The following RAD50 variants were observed in gnomAD, a reference collection of about 807,000 sequenced individuals.
RAD50 encodes RAD50 double strand break repair protein, also known as DNA repair protein RAD50.
RAD50 carries 132 observed loss-of-function variants against 168.8 expected under a neutral mutation model. That is an observed-to-expected ratio of 0.78 (90% CI 0.68 to 0.90). The LOEUF (loss-of-function observed/expected upper bound fraction) is 0.90. Ranked by LOEUF, RAD50 falls within the 40% of genes least tolerant of loss-of-function variation. RAD50 has a pLI of 0.00. For synonymous variants in RAD50, 525 were observed against 497.4 expected, an observed-to-expected ratio of 1.06 and a Z score of -0.74; for missense variants, 1,347 against 1,534.4, an observed-to-expected ratio of 0.88 and a Z score of 2.04.
In RAD50 at chr5:132,590,696, A is replaced by G. The variant is rs143859142; in HGVS notation, c.1453-528A>G. Among the ~76,000 whole-genome samples the G allele has an allele frequency of 5.3e-5, 8 of 152,318 alleles. No individual in the cohort carries two copies. In the East Asian group the frequency reaches 1.3e-3, roughly 26 times the overall value. ...AAAGTAAGCATTCTAAAGCATGGCA[A>G]ACTTCTTAAAGCCCATCTTGATAAT... On this transcript the variant is annotated intron_variant, in intron 9 of 24. Transcript: ENST00000378823.
chr5:132,618,699 A>G (rs528703441), intron 21 of RAD50, among the ~76,000 whole-genome samples: 3 of 152,176 alleles, frequency 2.0e-5, no homozygotes, highest in Non-Finnish European at 4.4e-5. Flanking sequence ...CTCTTTAAAT[A>G]TGGTATTTTA....
chr5:132,633,488 A>G (rs1022876911), intron 21 of RAD50, among the ~76,000 whole-genome samples: 23 of 151,912 alleles, frequency 1.5e-4, no homozygotes, highest in Admixed American at 1.5e-3. Context: ...TGGCTTCTCA[A>G]TTTTGTTCCT....
chr5:132,599,547 A>G (rs763405145), intron 13 of RAD50, among the ~76,000 whole-genome samples: 13 of 152,112 alleles, frequency 8.5e-5, no homozygotes, highest in Non-Finnish European at 1.6e-4. Flanking sequence ...GTCAATAATG[A>G]ATTAAGAGGA....
At chr5:132,601,781 G>A (rs1750892134) in intron 13 of RAD50, among the ~76,000 whole-genome samples, 1 of 152,154 alleles carries the variant, frequency 6.6e-6, no homozygotes, top group African/African-American at 2.4e-5. Flanking sequence ...ATACACCATG[G>A]AGTAACTATG....
At chr5:132,639,618 GCTATT>G (rs1751673583) in intron 23 of RAD50, among the ~76,000 whole-genome samples, 1 of 152,186 alleles carries the variant, frequency 6.6e-6, no homozygotes, top group African/African-American at 2.4e-5. Context: ...ATTTTTTGTA[GCTATT>G]CTGAGTTATG....
Position 132,580,071 on chromosome 5 carries a change from CT to C in RAD50, c.756+7del, listed in dbSNP as rs377720482. ...AATGAACTTGATCCATTGAAGGTAA[CT>C]TGATTTTATTTTTAATTGACAAAAA... is the stretch of plus-strand genomic sequence containing the variant. On this transcript the variant is annotated splice_donor_region_variant and intron_variant, in intron 5 of 24. Transcript: ENST00000378823. The C allele has an allele frequency of 3.3e-4, 530 of 1,602,076 alleles. 7 individuals are homozygous for C. In the African/African-American group the frequency reaches 6.2e-3, roughly 19 times the overall value.
intron 21 of RAD50, among the ~76,000 whole-genome samples, chr5:132,621,750 A>G (rs904147186): frequency 3.9e-5 from 6 of 152,154 alleles, no homozygotes; most frequent in African/African-American, 1.4e-4. Flanking sequence ...TTTAAAAGTA[A>G]TCTGCCTTTT....
chr5:132,633,172 C>T (rs1356417343), intron 21 of RAD50, among the ~76,000 whole-genome samples: 4 of 146,186 alleles, frequency 2.7e-5, no homozygotes, highest in African/African-American at 1.0e-4. Flanking sequence ...ACAATCTCAG[C>T]TTACTTCCTT....
chr5:132,588,615 C>G (rs950659288), intron 7 of RAD50, 72 bp from the exon 8 acceptor site: 3 of 1,402,372 alleles, frequency 2.1e-6, no homozygotes, highest in Non-Finnish European at 3.0e-6. Context: ...TTTTATAACT[C>G]GTGAATCTGC....
At chr5:132,633,868 T>G (rs1475034102) in intron 21 of RAD50, among the ~76,000 whole-genome samples, 2 of 151,992 alleles carry the variant, frequency 1.3e-5, no homozygotes, top group Non-Finnish European at 2.9e-5. Context: ...TTCATTCATT[T>G]GGATTTTATT....
intron 21 of RAD50, among the ~76,000 whole-genome samples, chr5:132,627,579 C>T (rs1007194969): frequency 6.6e-6 from 1 of 152,128 alleles, no homozygotes; most frequent in African/African-American, 2.4e-5. Context: ...CAGCCAAGAC[C>T]AGTACGAACA....
At chr5:132,581,194 G>A (rs915790962) in intron 5 of RAD50, among the ~76,000 whole-genome samples, 13 of 151,936 alleles carry the variant, frequency 8.6e-5, no homozygotes, top group African/African-American at 2.2e-4. Context: ...TCTGCCTCCC[G>A]GGTTCAAGCA....
chr5:132,618,158 AT>A lies in RAD50; in HGVS notation c.3255del (p.Ile1086PhefsTer22). 1 of 1,613,896 alleles carries A rather than the reference AT, an allele frequency of 6.2e-7. No homozygotes were observed. Among genetic ancestry groups the A allele is most frequent in the Non-Finnish European group, 8.5e-7 (1 of 1,179,880 alleles). On this transcript the variant is annotated frameshift_variant, in exon 21 of 25. Coordinates refer to ENST00000378823, the MANE Select transcript of RAD50 (RefSeq NM_005732.4). LOFTEE classifies it high-confidence loss of function. ...GCGACAGAAAGGTTATGAAGAAGAA[AT>A]TATTCATTTTAAGAAAGAACTTCGA... ...LGRQKGYEEE[I>X]IHFKKELREP...
intron 2 of RAD50, among the ~76,000 whole-genome samples, chr5:132,564,961 G>T (rs1750182371): frequency 6.6e-6 from 1 of 152,182 alleles, no homozygotes; most frequent in African/African-American, 2.4e-5. Context: ...TTCAGGGGAT[G>T]TATGGAAACG....
chr5:132,586,551 A>G (rs1160771956), intron 5 of RAD50, among the ~76,000 whole-genome samples: 2 of 152,238 alleles, frequency 1.3e-5, no homozygotes, highest in African/African-American at 4.8e-5. Context: ...TTTTAGGTTC[A>G]TTTGTATATG....
At position 132,642,706 on chromosome 5, in the gene RAD50, G is replaced by A. The variant is rs925907555; in HGVS notation, c.*342G>A. 1 of 404,002 alleles carries A rather than the reference G, an allele frequency of 2.5e-6. No homozygotes were observed. The highest frequency in any genetic ancestry group is 4.6e-6 in the Non-Finnish European group (1 of 216,148). 25.0% of individuals were successfully genotyped at this position (404,002 alleles called of 1,614,324 possible). On this transcript the variant is annotated 3_prime_UTR_variant, in exon 25 of 25. Coordinates refer to ENST00000378823, the MANE Select transcript of RAD50 (RefSeq NM_005732.4). ...CACTGTTGAGAAGGAGATAATTACT[G>A]CCTTGAAAATTTATGGTTTTGGTAT... is the stretch of plus-strand genomic sequence containing the variant.
chr5:132,618,521 G>A (rs972450175), intron 21 of RAD50, among the ~76,000 whole-genome samples: 1 of 152,106 alleles, frequency 6.6e-6, no homozygotes, highest in Non-Finnish European at 1.5e-5. Flanking sequence ...TGGTATTACA[G>A]GTGCATGCCA....
chr5:132,590,371 A>G (rs1169041492), intron 9 of RAD50, among the ~76,000 whole-genome samples: 4 of 152,152 alleles, frequency 2.6e-5, no homozygotes, highest in African/African-American at 7.2e-5. Flanking sequence ...TTGGGAGGCC[A>G]GGGCAGGAGA....
At chr5:132,608,828 A>G in intron 17 of RAD50, 103 bp downstream of exon 17, 2 of 1,446,856 alleles carry the variant, frequency 1.4e-6, no homozygotes, top group Non-Finnish European at 9.2e-7. Context: ...ATAGCATAAG[A>G]TAAATAGTAT....
Sources: allele counts gnomAD v4.1 joint callset (sites outside exome capture counted in the v4.1 genomes callset), GRCh38; gene constraint gnomAD v4.1.1; transcripts MANE v1.5; gene names NCBI Gene and HGNC (gene_info 2026-07-23, HGNC 2026-07-21).